The following TYW1 variants were observed in gnomAD, a reference collection of about 807,000 sequenced individuals.
TYW1 encodes S-adenosyl-L-methionine-dependent tRNA 4-demethylwyosine synthase TYW1.
A neutral mutation model predicts 96.2 loss-of-function variants in TYW1; 46 were observed. That is an observed-to-expected ratio of 0.48 (90% CI 0.38 to 0.61). The LOEUF is 0.61. Among genes scored for constraint, TYW1 ranks in the 20% least tolerant of loss-of-function variants. The pLI is 0.00. For synonymous variants in TYW1, 274 were observed against 323.0 expected (o/e 0.85, Z 1.63); for missense variants, 684 against 909.6 (o/e 0.75, Z 3.19).
At chr7:67,100,850 CAAAAA>C (rs57665696) in intron 12 of TYW1, among the ~76,000 whole-genome samples, 7 of 75,616 alleles carry the variant, frequency 9.3e-5, no homozygotes, top group Non-Finnish European at 1.7e-4. Context: ...GGCTACAGAG[CAAAAA>C]AAAAAAAAAA....
At chr7:67,010,561 C>A (rs1186447420) in intron 4 of TYW1, among the ~76,000 whole-genome samples, 2 of 151,776 alleles carry the variant, frequency 1.3e-5, no homozygotes. Flanking sequence ...CTGCAAGCTC[C>A]GCCTCCCGGG....
chr7:67,138,100 A>G lies in TYW1; in HGVS notation c.1698+20482A>G, dbSNP rs574903244. The stretch of plus-strand genomic sequence containing the variant: ...GTGGCTAAGGGCTTGCTTTGCAGAC[A>G]CCCCACACTTCACAGAGAGGAGCGA... On this transcript the variant is annotated intron_variant, in intron 13 of 15. Transcript: ENST00000359626. 3.9e-5 allele frequency among the ~76,000 whole-genome samples: 6 copies of G among 152,158 alleles called. No individual in the cohort carries two copies. The East Asian group carries it at 1.2e-3, about 29-fold the overall frequency.
intron 3 of TYW1, among the ~76,000 whole-genome samples, chr7:67,003,915 A>G (rs921382891): frequency 2.6e-5 from 4 of 152,146 alleles, no homozygotes; most frequent in African/African-American, 7.2e-5. Flanking sequence ...GTGGTGGCAC[A>G]TGCCTGTAAT....
intron 15 of TYW1, among the ~76,000 whole-genome samples, chr7:67,209,448 C>T (rs1442874713): frequency 6.6e-6 from 1 of 152,214 alleles, no homozygotes; most frequent in Non-Finnish European, 1.5e-5. Context: ...ATTCCCTCCA[C>T]ATATTGGCAA....
intron 7 of TYW1, among the ~76,000 whole-genome samples, chr7:67,041,743 C>T (rs1795029503): frequency 6.6e-6 from 1 of 152,102 alleles, no homozygotes; most frequent in South Asian, 2.1e-4. Flanking sequence ...TGGGTCGAAG[C>T]ACTGTCATTG....
At chr7:67,236,828 C>CT (rs112849431) in intron 15 of TYW1, among the ~76,000 whole-genome samples, 40,654 of 151,730 alleles carry the variant, frequency 0.27, 5,805 homozygotes, top group African/African-American at 0.36. Context: ...TATTTTCTTT[C>CT]TTTTTTTTGT....
chr7:67,112,431 C>T (rs966248852), intron 12 of TYW1, among the ~76,000 whole-genome samples: 2 of 152,034 alleles, frequency 1.3e-5, no homozygotes, highest in Non-Finnish European at 2.9e-5. Context: ...GCCTGGCCAA[C>T]ATGGCAAAAC....
chr7:67,038,729 C>G (rs1431029677), intron 7 of TYW1, among the ~76,000 whole-genome samples: 1 of 152,076 alleles, frequency 6.6e-6, no homozygotes, highest in Non-Finnish European at 1.5e-5. Context: ...CATGGCGAAA[C>G]CCCGTCTCTA....
intron 13 of TYW1, among the ~76,000 whole-genome samples, chr7:67,155,934 G>A (rs1363489011): frequency 6.6e-6 from 1 of 152,086 alleles, no homozygotes; most frequent in Admixed American, 6.5e-5. Flanking sequence ...GGTGGGCGCA[G>A]CAGTGTAGTC....
intron 12 of TYW1, among the ~76,000 whole-genome samples, chr7:67,100,896 G>A (rs1444817642): frequency 2.7e-5 from 4 of 148,846 alleles, no homozygotes; most frequent in African/African-American, 9.9e-5. Context: ...AGAGAAACAC[G>A]AAGGGCTGCT....
At chr7:67,209,781 A>C (rs1213419678) in intron 15 of TYW1, among the ~76,000 whole-genome samples, 1 of 152,136 alleles carries the variant, frequency 6.6e-6, no homozygotes, top group Non-Finnish European at 1.5e-5. Context: ...CATGTTGGCT[A>C]GTCTGGTCTT....
chr7:67,213,655 A>C (rs1344473585), intron 15 of TYW1, among the ~76,000 whole-genome samples: 6 of 152,154 alleles, frequency 3.9e-5, no homozygotes, highest in African/African-American at 1.4e-4. Flanking sequence ...TAGAAGTTTT[A>C]TGTTTTATGG....
intron 13 of TYW1, among the ~76,000 whole-genome samples, chr7:67,144,685 C>T (rs1000881316): frequency 1.3e-5 from 2 of 152,024 alleles, no homozygotes; most frequent in African/African-American, 4.8e-5. Flanking sequence ...TGCCCAGCCT[C>T]CTCTAGAGCT....
intron 13 of TYW1, among the ~76,000 whole-genome samples, chr7:67,134,180 C>G (rs1223477278): frequency 1.3e-5 from 2 of 152,044 alleles, no homozygotes; most frequent in Non-Finnish European, 2.9e-5. Flanking sequence ...ATTCATGCAT[C>G]CTAGTATTCA....
At chr7:67,185,360 C>T (rs1057027097) in intron 14 of TYW1, among the ~76,000 whole-genome samples, 11 of 151,570 alleles carry the variant, frequency 7.3e-5, no homozygotes, top group Non-Finnish European at 8.8e-5. Flanking sequence ...AGAGTAGGCA[C>T]AACAGTCACA....
rs1795502039 is a variant in TYW1 at position 67,055,950 on chromosome 7, A to G, written c.1155+63A>G. 6 of 1,203,942 alleles carry G rather than the reference A, an allele frequency of 5.0e-6. 1 individual carries two copies. In the Admixed American group the frequency reaches 1.2e-4, roughly 24 times the overall value. The allele number at this position is 1,203,942 out of a possible 1,614,324, so 74.6% of individuals were successfully genotyped here. On this transcript the variant is annotated intron_variant, in intron 9 of 15. Coordinates refer to ENST00000359626, the MANE Select transcript of TYW1 (RefSeq NM_018264.4). Reference sequence around the variant, plus strand: ...GCAACTTTTAAATAGCTATTATTATACACTGTCTATAAATTTACTATTTAG... The same window carrying G: ...GCAACTTTTAAATAGCTATTATTATGCACTGTCTATAAATTTACTATTTAG...
At chr7:67,206,630 A>C (rs1364462405) in intron 15 of TYW1, among the ~76,000 whole-genome samples, 3 of 85,090 alleles carry the variant, frequency 3.5e-5, no homozygotes, top group African/African-American at 5.0e-5. Context: ...AACATAAATA[A>C]ATAAATAAAT....
In TYW1 at chr7:67,163,198, C is replaced by T. The variant is rs931210087; in HGVS notation, c.1699-19928C>T. 8.5e-5 allele frequency among the ~76,000 whole-genome samples: 13 copies of T among 152,290 alleles called. 1 individual carries two copies. The highest frequency in any genetic ancestry group is 3.1e-4 in the African/African-American group (13 of 41,572). ...GCACCCTCATCTAATTTCTCCCAACCTCCAAAGGATGAGGAAACATTGCTC... is the reference window on the plus strand; with the variant it reads ...GCACCCTCATCTAATTTCTCCCAACTTCCAAAGGATGAGGAAACATTGCTC... On this transcript the variant is annotated intron_variant, in intron 13 of 15. Transcript: ENST00000359626.
chr7:67,018,023 G>C lies in TYW1; in HGVS notation c.741G>C (p.Glu247Asp). Residue 247 changes from glutamate (E) to aspartate (D), a missense_variant, in exon 6 of 16, where the codon GAG (glutamate) becomes GAC (aspartate). By Grantham distance (45) the Glu-to-Asp change is conservative. Transcript: ENST00000359626. Reference protein sequence around the residue: ...ISQLQALQKGERKKSCGGHCK... With the variant: ...ISQLQALQKGDRKKSCGGHCK... Reference sequence around the variant, plus strand: ...AGCTGCAGGCACTTCAGAAAGGGGAGAGAAAGAAGTCCTGTGGCGGCCACT... The same window carrying C: ...AGCTGCAGGCACTTCAGAAAGGGGACAGAAAGAAGTCCTGTGGCGGCCACT... 6.2e-7 allele frequency: 1 copy of C among 1,614,106 alleles called. No individual in the cohort carries two copies. Among genetic ancestry groups the C allele is most frequent in the South Asian group, 1.1e-5 (1 of 91,074 alleles).
Sources: allele counts gnomAD v4.1 joint callset (sites outside exome capture counted in the v4.1 genomes callset), GRCh38; gene constraint gnomAD v4.1.1; transcripts MANE v1.5; gene names NCBI Gene and HGNC (gene_info 2026-07-23, HGNC 2026-07-21).